CELF1: variants seen among roughly 807,000 people sequenced by gnomAD.
CELF1 encodes 50 kDa nuclear polyadenylated RNA-binding protein.
Under a neutral mutation model 61.8 loss-of-function variants are expected in CELF1, and 10 were observed. The ratio of observed to expected loss-of-function variants is 0.16; its 90% CI spans 0.10 to 0.27. The LOEUF (loss-of-function observed/expected upper bound fraction) is 0.27. Ranked by LOEUF, CELF1 falls within the 10% of genes least tolerant of loss-of-function variation. The pLI is 1.00. For synonymous variants in CELF1, 236 were observed against 225.1 expected, an observed-to-expected ratio of 1.05 and a Z score of -0.43; for missense variants, 380 against 639.1, an observed-to-expected ratio of 0.59 and a Z score of 4.37.
chr11:47,483,525 T>C lies in CELF1; in HGVS notation c.534A>G (p.Ala178=), dbSNP rs915536725. 2 of 1,613,556 alleles carry C rather than the reference T, an allele frequency of 1.2e-6. No individual in the cohort carries two copies. Among genetic ancestry groups the C allele is most frequent in the African/African-American group, 2.7e-5 (2 of 74,894 alleles). The change falls in exon 8 of 15, where the codon GCA becomes GCG. Residue 178 remains alanine, a synonymous_variant. Coordinates refer to ENST00000687097, the MANE Select transcript of CELF1 (RefSeq NM_001376376.1). The part of the protein sequence containing the change: ...RGPDGLSRGC[A]FVTFTTRAMA... Reference sequence around the variant, plus strand: ...TGGCTCTTGTTGTAAAAGTCACAAATGCACAACCTGGTAAGAGAAGAGTCA... The same window carrying C: ...TGGCTCTTGTTGTAAAAGTCACAAACGCACAACCTGGTAAGAGAAGAGTCA...
intron 3 of CELF1, among the ~76,000 whole-genome samples, chr11:47,491,556 A>T (rs1222654296): frequency 6.6e-6 from 1 of 152,236 alleles, no homozygotes; most frequent in Non-Finnish European, 1.5e-5. Flanking sequence ...GACAAATGGA[A>T]TATAGACCAA....
intron 9 of CELF1, among the ~76,000 whole-genome samples, chr11:47,482,125 C>T (rs1052413000): frequency 3.9e-5 from 6 of 152,050 alleles, no homozygotes; most frequent in Non-Finnish European, 8.8e-5. Flanking sequence ...ATCACTTGAA[C>T]CCGAGGTGGA....
intron 1 of CELF1, among the ~76,000 whole-genome samples, chr11:47,527,869 G>A (rs1314433450): frequency 6.6e-6 from 1 of 152,168 alleles, no homozygotes; most frequent in Non-Finnish European, 1.5e-5. Context: ...GCCGAGGCAG[G>A]TGGATCACCT....
At chr11:47,562,692 G>GT (rs1023599037) in intron 2 of CELF1, among the ~76,000 whole-genome samples, 28 of 149,900 alleles carry the variant, frequency 1.9e-4, no homozygotes, top group East Asian at 5.8e-4. Context: ...TTCCAGATCA[G>GT]TTTTTTTTTG....
At chr11:47,488,154 C>T (rs189897975) in intron 4 of CELF1, among the ~76,000 whole-genome samples, 128 of 152,314 alleles carry the variant, frequency 8.4e-4, no homozygotes, top group African/African-American at 3.0e-3. Context: ...ACAGCTTTCA[C>T]AGAAAATTAT....
At chr11:47,525,175 A>G (rs2096171838) in intron 1 of CELF1, among the ~76,000 whole-genome samples, 2 of 152,196 alleles carry the variant, frequency 1.3e-5, no homozygotes, top group African/African-American at 2.4e-5. Context: ...TCTCATTCCA[A>G]CTGTGTATGT....
intron 9 of CELF1, among the ~76,000 whole-genome samples, chr11:47,481,099 C>CTTGTTTTT: frequency 1.6e-5 from 1 of 62,318 alleles, no homozygotes; most frequent in Non-Finnish European, 3.2e-5. Flanking sequence ...TTTTTTTCTT[C>CTTGTTTTT]TTCTTTTTTT....
intron 9 of CELF1, among the ~76,000 whole-genome samples, chr11:47,480,038 A>T (rs570248750): frequency 6.6e-6 from 1 of 151,820 alleles, no homozygotes; most frequent in South Asian, 2.1e-4. Context: ...AAAGAACCTC[A>T]TAATTAATGA....
At chr11:47,480,557 T>C (rs2153423972) in intron 9 of CELF1, among the ~76,000 whole-genome samples, 1 of 152,286 alleles carries the variant, frequency 6.6e-6, no homozygotes, top group South Asian at 2.1e-4. Flanking sequence ...ATGTACTTGC[T>C]GGTAGTGGCA....
intron 1 of CELF1, among the ~76,000 whole-genome samples, chr11:47,511,831 G>C (rs896135689): frequency 5.3e-5 from 8 of 152,038 alleles, no homozygotes; most frequent in Non-Finnish European, 2.9e-5. Flanking sequence ...CTGTTTAAAT[G>C]CTAAGGGCCA....
At chr11:47,558,635 ATG>A (rs1175178209) in intron 2 of CELF1, among the ~76,000 whole-genome samples, 4 of 117,482 alleles carry the variant, frequency 3.4e-5, no homozygotes, top group Non-Finnish European at 6.5e-5. Flanking sequence ...ATATAATATA[ATG>A]TGTAATATAT....
At chr11:47,550,981 C>G (rs2097123907) in intron 1 of CELF1, among the ~76,000 whole-genome samples, 1 of 151,778 alleles carries the variant, frequency 6.6e-6, no homozygotes, top group African/African-American at 2.4e-5. Context: ...AATTCAGGGT[C>G]CTTTCCCATT....
intron 1 of CELF1, among the ~76,000 whole-genome samples, chr11:47,531,500 C>T (rs1272016025): frequency 6.6e-6 from 1 of 152,048 alleles, no homozygotes; most frequent in Non-Finnish European, 1.5e-5. Context: ...ATCTGGGAGG[C>T]AGAGGTTGCA....
chr11:47,548,245 G>A (rs1028185655), intron 1 of CELF1, among the ~76,000 whole-genome samples: 3 of 152,122 alleles, frequency 2.0e-5, no homozygotes, highest in African/African-American at 7.2e-5. Context: ...ATTGCAGTGA[G>A]CCAAGATCGA....
At chr11:47,546,276 C>CGGGGGA (rs2096948349) in intron 1 of CELF1, among the ~76,000 whole-genome samples, 1 of 27,658 alleles carries the variant, frequency 3.6e-5, no homozygotes, top group African/African-American at 1.5e-4. Context: ...GGGGCGGGGG[C>CGGGGGA]GGGGGAGGGA....
chr11:47,498,470 G>C (rs1197887492), intron 3 of CELF1, among the ~76,000 whole-genome samples: 1 of 152,090 alleles, frequency 6.6e-6, no homozygotes, highest in Non-Finnish European at 1.5e-5. Context: ...AGAACTGTTT[G>C]GTATCTACTA....
chr11:47,526,863 C>T (rs758151470), intron 1 of CELF1, among the ~76,000 whole-genome samples: 22 of 151,932 alleles, frequency 1.4e-4, no homozygotes, highest in Non-Finnish European at 2.4e-4. Context: ...CCAGCCTGGC[C>T]AACAAGGTGA....
intron 4 of CELF1, among the ~76,000 whole-genome samples, chr11:47,488,461 T>C (rs1297256332): frequency 6.6e-6 from 1 of 152,224 alleles, no homozygotes; most frequent in Non-Finnish European, 1.5e-5. Context: ...GAAAACTTTA[T>C]GTGGTTTAAC....
At chr11:47,480,212 G>A (rs908358086) in intron 9 of CELF1, among the ~76,000 whole-genome samples, 2 of 151,370 alleles carry the variant, frequency 1.3e-5, no homozygotes, top group East Asian at 1.9e-4. Flanking sequence ...TCAGCCTCCC[G>A]AGTAGCTGGG....
Sources: gnomAD v4.1 joint callset for allele counts (sites outside exome capture counted in the v4.1 genomes callset) on GRCh38, gnomAD v4.1.1 for gene constraint, MANE v1.5 for transcripts, NCBI Gene and HGNC (gene_info 2026-07-23, HGNC 2026-07-21) for gene names.